The following LONRF1 variants were observed in gnomAD, a reference collection of about 807,000 sequenced individuals.
LONRF1 encodes LON peptidase N-terminal domain and RING finger protein 1.
Under a neutral mutation model 85.8 loss-of-function variants are expected in LONRF1, and 37 were observed. The ratio of observed to expected loss-of-function variants is 0.43; its 90% confidence interval spans 0.33 to 0.57. LONRF1 has a LOEUF of 0.57. LONRF1 is among the 20% of genes least tolerant of loss of function. LONRF1 has a pLI of 0.04. For synonymous variants in LONRF1, 517 were observed against 390.1 expected, an observed-to-expected ratio of 1.33 and a Z score of -3.83; for missense variants, 1,036 against 978.0, an observed-to-expected ratio of 1.06 and a Z score of -0.79.
intron 1 of LONRF1, among the ~76,000 whole-genome samples, chr8:12,748,659 G>C (rs1799260210): frequency 6.6e-6 from 1 of 152,070 alleles, no homozygotes. Flanking sequence ...TCTTCATTAA[G>C]TTTGACCTTT....
chr8:12,754,256 CTCCCCGCCCCGGCAGTCGTT>C (rs1484052981), intron 1 of LONRF1: 1 of 155,476 alleles, frequency 6.4e-6, no homozygotes, highest in East Asian at 1.9e-4. Flanking sequence ...GGGGGATTCT[CTCCCCGCCCCGGCAGTCGTT>C]TCCCCGCGGC....
chr8:12,747,764 T>C (rs4831362), intron 1 of LONRF1, among the ~76,000 whole-genome samples: 42 of 141,868 alleles, frequency 3.0e-4, no homozygotes, highest in East Asian at 1.2e-3. Flanking sequence ...CTCTTTTTTT[T>C]TTTTTTTTTT....
chr8:12,739,434 A>G (rs1298043857), intron 3 of LONRF1, among the ~76,000 whole-genome samples: 1 of 152,000 alleles, frequency 6.6e-6, no homozygotes, highest in Admixed American at 6.6e-5. Flanking sequence ...ACACTACTCT[A>G]CAGTGACAAA....
Position 12,725,752 on chromosome 8 carries a change from A to G in LONRF1, c.2138T>C (p.Met713Thr), listed in dbSNP as rs753523472. The part of the protein sequence containing the change: ...RSQILQHFGS[M>T]PEREENLQAA... The stretch of plus-strand genomic sequence containing the variant: ...CTGAAGGTTTTCCTCCCTCTCGGGC[A>G]TTGATCCGAAATGCTGAAGAATTTG... Residue 713 changes from methionine (M) to threonine (T), a missense_variant, in exon 11 of 12, where the codon ATG becomes ACG. This residue lies in a region of LONRF1 where 265 missense variants were observed against 301.5 expected (regional missense o/e 0.88). Coordinates refer to ENST00000398246, the MANE Select transcript of LONRF1 (RefSeq NM_152271.5). 1 of 1,613,354 alleles carries G rather than the reference A, an allele frequency of 6.2e-7. No homozygotes were observed. The highest frequency in any genetic ancestry group is 8.5e-7 in the Non-Finnish European group (1 of 1,179,328).
intron 11 of LONRF1, among the ~76,000 whole-genome samples, chr8:12,725,059 G>A (rs767145018): frequency 4.6e-5 from 7 of 152,156 alleles, no homozygotes; most frequent in African/African-American, 9.7e-5. Context: ...TGCCTAAAAC[G>A]TAGTGCTTTA....
rs1028783910 is a variant in LONRF1, at chr8:12,725,721, C to T, written c.2163+6G>A. Reference sequence around the variant, plus strand: ...GACTTTTGGAAGAACAGAAAAGCCACCATACCTGAAGGTTTTCCTCCCTCT... The same window carrying T: ...GACTTTTGGAAGAACAGAAAAGCCATCATACCTGAAGGTTTTCCTCCCTCT... On this transcript the variant is annotated splice_donor_region_variant and intron_variant, in intron 11 of 11. Coordinates refer to ENST00000398246, the MANE Select transcript of LONRF1 (RefSeq NM_152271.5). 2.5e-6 allele frequency: 4 copies of T among 1,605,934 alleles called. No homozygotes were observed. The African/African-American group carries it at 5.4e-5, about 22-fold the overall frequency.
At chr8:12,741,661 C>G (rs1798938852) in intron 2 of LONRF1, among the ~76,000 whole-genome samples, 1 of 151,966 alleles carries the variant, frequency 6.6e-6, no homozygotes, top group Admixed American at 6.6e-5. Flanking sequence ...AAGAATCCAT[C>G]AAAATTAAAG....
At chr8:12,733,087 G>A (rs947921611) in intron 7 of LONRF1, among the ~76,000 whole-genome samples, 1 of 152,084 alleles carries the variant, frequency 6.6e-6, no homozygotes, top group Non-Finnish European at 1.5e-5. Flanking sequence ...TCTGGGGTAG[G>A]GTCCAAGAAT....
rs760457264 is a variant in LONRF1, at chr8:12,737,025, CTT to C, written c.1227_1228del (p.Arg410SerfsTer31). On this transcript the variant is annotated frameshift_variant, in exon 5 of 12. Coordinates refer to ENST00000398246, the MANE Select transcript of LONRF1 (RefSeq NM_152271.5). LOFTEE classifies it high-confidence loss of function. Reference sequence around the variant, plus strand: ...TGACAGAACAGGTTCTGAGGACACTCTTTTTAAACAGTCCTCTCTGGCAGGCA... The same window carrying C: ...TGACAGAACAGGTTCTGAGGACACTCTTTAAACAGTCCTCTCTGGCAGGCA... The C allele has an allele frequency of 6.2e-7, 1 of 1,613,548 alleles. No individual in the cohort carries two copies. Among genetic ancestry groups the C allele is most frequent in the African/African-American group, 1.3e-5 (1 of 74,870 alleles).
chr8:12,738,992 T>C (rs756068891), intron 3 of LONRF1, among the ~76,000 whole-genome samples: 1 of 152,174 alleles, frequency 6.6e-6, no homozygotes, highest in Non-Finnish European at 1.5e-5. Context: ...TAAAAGCACG[T>C]ATCTTTGGTA....
chr8:12,750,569 C>T (rs1374509336), intron 1 of LONRF1, among the ~76,000 whole-genome samples: 1 of 152,172 alleles, frequency 6.6e-6, no homozygotes, highest in African/African-American at 2.4e-5. Context: ...ACTGAAACCA[C>T]AAATAAGGGG....
intron 1 of LONRF1, chr8:12,753,519 G>C (rs1799493823): frequency 6.6e-6 from 1 of 152,204 alleles, no homozygotes; most frequent in Non-Finnish European, 1.5e-5. Context: ...GCTGTGCCTA[G>C]TAGGATGTCT....
rs189230050 is a variant in LONRF1, at chr8:12,722,893, G to C, written c.*203C>G. 2.0e-6 allele frequency: 1 copy of C among 505,136 alleles called. No homozygotes were observed. The highest frequency in any genetic ancestry group is 3.3e-5 in the East Asian group (1 of 30,406). The allele number at this position is 505,136 out of a possible 1,614,324, so 31.3% of individuals were successfully genotyped here. On this transcript the variant is annotated 3_prime_UTR_variant, in exon 12 of 12. Transcript: ENST00000398246. ...TAGAGGTTCGACACACATTCAATGC[G>C]TGTTTTTCTGTGCAAGTTCTTAGTG...
intron 2 of LONRF1, among the ~76,000 whole-genome samples, chr8:12,742,230 T>C (rs1298152742): frequency 6.6e-6 from 1 of 152,216 alleles, no homozygotes; most frequent in Non-Finnish European, 1.5e-5. Context: ...ATTTCTCTAA[T>C]TAATTTATAC....
intron 1 of LONRF1, 117 bp from the exon 2 acceptor site, chr8:12,743,399 A>G (rs936091515): frequency 1.6e-5 from 11 of 689,352 alleles, no homozygotes; most frequent in African/African-American, 5.5e-5. Flanking sequence ...AATAATCACC[A>G]AACTAAAGTC....
In LONRF1 at chr8:12,736,720, C is replaced by T. The variant is rs1798728557; in HGVS notation, c.1432G>A (p.Glu478Lys). 2 of 1,610,254 alleles carry T rather than the reference C, an allele frequency of 1.2e-6. No homozygotes were observed. Among genetic ancestry groups the T allele is most frequent in the Non-Finnish European group, 1.7e-6 (2 of 1,178,078 alleles). ...PEELIDVSDFECSLCMRLFFE... is the reference protein window; with the variant it reads ...PEELIDVSDFKCSLCMRLFFE... ...GCTTACCTCATGCAGAGAGAACACT[C>T]GAAATCTGAGACATCGATTAATTCT... Residue 478 changes from glutamate to lysine, a missense_variant, in exon 6 of 12, where the codon GAG becomes AAG. Glu to Lys is a moderately conservative substitution (Grantham distance 56). Coordinates refer to ENST00000398246, the MANE Select transcript of LONRF1 (RefSeq NM_152271.5).
At chr8:12,738,800 A>G (rs1254854225) in intron 3 of LONRF1, 1 of 152,206 alleles carries the variant, frequency 6.6e-6, no homozygotes, top group East Asian at 1.9e-4. Context: ...AGATAGGGGA[A>G]GAACATGGCT....
chr8:12,728,829 A>G, intron 10 of LONRF1, 72 bp downstream of exon 10: 1 of 1,539,646 alleles, frequency 6.5e-7, no homozygotes, highest in South Asian at 1.2e-5. Flanking sequence ...CCTAGAAAAT[A>G]GCCTGCATGC....
chr8:12,725,402 C>A (rs926412961), intron 11 of LONRF1, among the ~76,000 whole-genome samples: 1 of 152,204 alleles, frequency 6.6e-6, no homozygotes, highest in African/African-American at 2.4e-5. Flanking sequence ...AGTTGTCCCA[C>A]AGTCACAGTT....
Sources: gnomAD v4.1 joint callset for allele counts (sites outside exome capture counted in the v4.1 genomes callset) on GRCh38, gnomAD v4.1.1 for gene constraint, gnomAD v4.1.1 regional missense constraint, MANE v1.5 for transcripts, NCBI Gene and HGNC (gene_info 2026-07-23, HGNC 2026-07-21) for gene names.